The following TRPM3 variants were observed in gnomAD, a reference collection of about 807,000 sequenced individuals.
TRPM3 encodes the protein transient receptor potential cation channel subfamily M member 3, also known as long transient receptor potential channel 3.
In TRPM3, 77 loss-of-function variants were observed where a neutral mutation model predicts 181.2. That is an observed-to-expected ratio of 0.42 (90% CI 0.35 to 0.51). The LOEUF is 0.51. Ranked by LOEUF, TRPM3 falls within the 20% of genes least tolerant of loss-of-function variation. TRPM3 has a pLI of 0.01. For missense variants in TRPM3, 1,759 were observed against 2,196.7 expected (o/e 0.80, Z 3.98); for synonymous variants, 745 against 796.4 (o/e 0.94, Z 1.09).
chr9:70,688,485 CT>C (rs1198749741), intron 8 of TRPM3, among the ~76,000 whole-genome samples: 2 of 152,150 alleles, frequency 1.3e-5, no homozygotes, highest in Non-Finnish European at 2.9e-5. Flanking sequence ...TTATATCATA[CT>C]TATGCCTTTG....
chr9:70,784,112 C>T lies in TRPM3; in HGVS notation c.1141G>A (p.Glu381Lys). ...GCCTGGAAAGTTACCTACCCGCCTTCTTCTGAGTATTTATGCCCAAAGGCC... is the reference window on the plus strand; with the variant it reads ...GCCTGGAAAGTTACCTACCCGCCTTTTTCTGAGTATTTATGCCCAAAGGCC... ...ILAFGHKYSEEGGLINESLRD... is the reference protein window; with the variant it reads ...ILAFGHKYSEKGGLINESLRD... The change falls in exon 7 of 26, where the codon GAA becomes AAA. Residue 381 changes from glutamate to lysine, a missense_variant. Around this residue, in one of 8 missense-constraint regions of TRPM3, gnomAD observed 737 missense variants for 957.4 expected, o/e 0.77. Coordinates refer to ENST00000677713, the MANE Select transcript of TRPM3 (RefSeq NM_001366145.2). 5 of 1,613,108 alleles carry T rather than the reference C, an allele frequency of 3.1e-6. No individual in the cohort carries two copies. Among genetic ancestry groups the T allele is most frequent in the Non-Finnish European group, 4.2e-6 (5 of 1,179,444 alleles).
chr9:71,323,176 T>A (rs2089397684), intron 1 of TRPM3, among the ~76,000 whole-genome samples: 1 of 152,002 alleles, frequency 6.6e-6, no homozygotes, highest in African/African-American at 2.4e-5. Context: ...CTCTGTTCAG[T>A]CTTCAGAAAC....
intron 9 of TRPM3, among the ~76,000 whole-genome samples, chr9:70,644,247 A>C (rs2058484010): frequency 6.6e-6 from 1 of 152,314 alleles, no homozygotes; most frequent in East Asian, 1.9e-4. Flanking sequence ...AGATTGTAGA[A>C]GTGCTGTGAA....
chr9:71,089,144 AAT>A (rs530146436), intron 1 of TRPM3, among the ~76,000 whole-genome samples: 158 of 147,680 alleles, frequency 1.1e-3, no homozygotes, highest in African/African-American at 3.7e-3. Flanking sequence ...ATTATATATG[AAT>A]ATATATTTTA....
At chr9:70,983,837 G>A (rs1179440440) in intron 1 of TRPM3, among the ~76,000 whole-genome samples, 1 of 152,158 alleles carries the variant, frequency 6.6e-6, no homozygotes, top group Admixed American at 6.5e-5. Flanking sequence ...AGAGCCTATT[G>A]TTACAAAGAT....
intron 1 of TRPM3, among the ~76,000 whole-genome samples, chr9:71,255,092 C>A (rs1414938467): frequency 6.6e-6 from 1 of 152,168 alleles, no homozygotes; most frequent in South Asian, 2.1e-4. Context: ...CCCATAGCTA[C>A]CACTAATCTA....
chr9:70,881,647 C>G (rs1480834369), intron 1 of TRPM3, among the ~76,000 whole-genome samples: 83 of 152,174 alleles, frequency 5.5e-4, no homozygotes, highest in Non-Finnish European at 1.5e-5. Flanking sequence ...ATTTGTTGCT[C>G]TCAAATAGCA....
At chr9:71,152,736 A>G (rs1381265161) in intron 1 of TRPM3, among the ~76,000 whole-genome samples, 1 of 152,114 alleles carries the variant, frequency 6.6e-6, no homozygotes, top group Non-Finnish European at 1.5e-5. Context: ...ACCCTCCTTT[A>G]TTAGTTCCCC....
intron 1 of TRPM3, among the ~76,000 whole-genome samples, chr9:71,133,291 G>GATTTTTTTTTTTTTT (rs1587556717): frequency 5.9e-5 from 1 of 16,928 alleles, no homozygotes; most frequent in Non-Finnish European, 1.5e-4. Context: ...CTAGCAAATT[G>GATTTTTTTTTTTTTT]CTTTTTTTTT....
chr9:70,697,451 G>A (rs4745026), intron 8 of TRPM3, among the ~76,000 whole-genome samples: 75,120 of 152,120 alleles, frequency 0.49, 19,781 homozygotes, highest in Non-Finnish European at 0.58. Flanking sequence ...ACATAGAAAC[G>A]TACATACATT....
intron 1 of TRPM3, among the ~76,000 whole-genome samples, chr9:71,213,178 G>GA (rs2079618162): frequency 6.6e-6 from 1 of 151,768 alleles, no homozygotes; most frequent in African/African-American, 2.4e-5. Context: ...GCAGCCATAG[G>GA]TAATATGTAT....
chr9:71,026,697 G>C (rs1467691051), intron 1 of TRPM3, among the ~76,000 whole-genome samples: 1 of 152,142 alleles, frequency 6.6e-6, no homozygotes, highest in East Asian at 1.9e-4. Flanking sequence ...CTCTGCCCCT[G>C]TGCTGACGCT....
At chr9:71,093,917 T>C (rs1313253216) in intron 1 of TRPM3, among the ~76,000 whole-genome samples, 1 of 152,040 alleles carries the variant, frequency 6.6e-6, no homozygotes, top group Non-Finnish European at 1.5e-5. Flanking sequence ...TAAAAAAGAA[T>C]GAGTTTATGT....
chr9:71,429,808 CCT>C (rs2093929396), intron 1 of TRPM3, among the ~76,000 whole-genome samples: 1 of 152,138 alleles, frequency 6.6e-6, no homozygotes. Context: ...CTCTCCTACC[CCT>C]CTTTTCCATG....
At chr9:71,347,268 C>G (rs1016235610) in intron 1 of TRPM3, among the ~76,000 whole-genome samples, 1 of 152,176 alleles carries the variant, frequency 6.6e-6, no homozygotes, top group Non-Finnish European at 1.5e-5. Flanking sequence ...CATTCAGTTA[C>G]TGTTAGTTGT....
At chr9:71,286,007 C>T in intron 1 of TRPM3, among the ~76,000 whole-genome samples, 1 of 150,714 alleles carries the variant, frequency 6.6e-6, no homozygotes, top group Admixed American at 6.6e-5. Context: ...TTATTTAATG[C>T]AAAAAGCCAT....
chr9:70,696,895 C>T (rs1240694264), intron 8 of TRPM3, among the ~76,000 whole-genome samples: 2 of 152,182 alleles, frequency 1.3e-5, no homozygotes, highest in Non-Finnish European at 2.9e-5. Context: ...TCTCTCCTTG[C>T]TCCTGTGTGT....
intron 6 of TRPM3, among the ~76,000 whole-genome samples, chr9:70,789,840 C>A (rs1453119252): frequency 6.6e-6 from 1 of 152,192 alleles, no homozygotes; most frequent in Non-Finnish European, 1.5e-5. Context: ...ACCTCTTAGA[C>A]TTTTGTCACA....
chr9:71,277,591 C>A (rs2084322493), intron 1 of TRPM3, among the ~76,000 whole-genome samples: 3 of 152,048 alleles, frequency 2.0e-5, no homozygotes, highest in South Asian at 4.2e-4. Context: ...TACAAGGTGG[C>A]AAAAAGTGAA....
Sources: gnomAD v4.1 joint callset for allele counts (sites outside exome capture counted in the v4.1 genomes callset) on GRCh38, gnomAD v4.1.1 for gene constraint, gnomAD v4.1.1 regional missense constraint, MANE v1.5 for transcripts, NCBI Gene and HGNC (gene_info 2026-07-23, HGNC 2026-07-21) for gene names.